The following TRAPPC3L variants were observed in gnomAD, a reference collection of about 807,000 sequenced individuals.
TRAPPC3L encodes trafficking protein particle complex subunit 3-like protein.
Under a neutral mutation model 23.7 loss-of-function variants are expected in TRAPPC3L, and 23 were observed. The observed-to-expected ratio is 0.97, with a 90% CI of 0.70 to 1.37. The LOEUF (loss-of-function observed/expected upper bound fraction) is 1.37. Among genes scored for constraint, TRAPPC3L ranks in the 40% most tolerant of loss-of-function variants. TRAPPC3L has a pLI of 0.00. For synonymous variants in TRAPPC3L, 81 were observed against 77.9 expected, an observed-to-expected ratio of 1.04 and a Z score of -0.21; for missense variants, 212 against 216.8, an observed-to-expected ratio of 0.98 and a Z score of 0.14.
At position 116,500,630 on chromosome 6, in the gene TRAPPC3L, C is replaced by T. The variant is rs964796451; in HGVS notation, c.277G>A (p.Val93Met). Residue 93 changes from valine to methionine, a missense_variant, in exon 4 of 5, where the codon GTG (valine) becomes ATG (methionine). Transcript: ENST00000368602. Reference protein sequence around the residue: ...FKMYLGITPSVTCNNSSKNEF... With the variant: ...FKMYLGITPSMTCNNSSKNEF... ...TTTTTGCTTGAATTGTTACAGGTCA[C>T]ACTTGGTGTAATTCCCAGGTACATC... 6.4e-7 allele frequency: 1 copy of T among 1,551,568 alleles called. No individual in the cohort carries two copies. Among genetic ancestry groups the T allele is most frequent in the Non-Finnish European group, 8.7e-7 (1 of 1,146,958 alleles).
chr6:116,512,326 T>C lies in TRAPPC3L; in HGVS notation c.241-11660A>G, dbSNP rs1002511331. On this transcript the variant is annotated intron_variant, in intron 3 of 4. Coordinates refer to ENST00000368602, the MANE Select transcript of TRAPPC3L (RefSeq NM_001139444.3). ...TTCAGCCAGGGCTGTCTGTGTCCTG[T>C]CAGAATATTTTGAAACTAAATGGAA... The C allele has an allele frequency of 1.6e-5, 22 of 1,376,790 alleles. No individual in the cohort carries two copies. The African/African-American group carries it at 2.3e-4, about 15-fold the overall frequency. The allele number at this position is 1,376,790 out of a possible 1,614,324, so 85.3% of individuals were successfully genotyped here. A position where few individuals can be genotyped will look rare whatever the true frequency, so the allele number is the denominator to read the frequency against.
chr6:116,521,566 T>A (rs1772344474), intron 3 of TRAPPC3L: 2 of 151,916 alleles, frequency 1.3e-5, no homozygotes, highest in South Asian at 4.2e-4. Context: ...TCCCTTTTTG[T>A]CCTACCCAGG....
chr6:116,543,328 C>A lies in TRAPPC3L; in HGVS notation c.115G>T (p.Asp39Tyr), dbSNP rs1395945046. The A allele has an allele frequency of 6.5e-7, 1 of 1,549,510 alleles. No homozygotes were observed. The highest frequency in any genetic ancestry group is 2.4e-5 in the East Asian group (1 of 40,818). Residue 39 changes from aspartate (D) to tyrosine (Y), a missense_variant, in exon 2 of 5, where the codon GAT becomes TAT. Asp to Tyr is a radical substitution (Grantham distance 160). Transcript: ENST00000368602. ...QLCKDYEKDE[D>Y]VNQYLDKMGY... ...ATTTTATCTAAATATTGGTTCACAT[C>A]TTCATCCTTCTCATAATCCTTACAC...
At chr6:116,500,249 G>T (rs537968944) in intron 4 of TRAPPC3L, among the ~76,000 whole-genome samples, 26 of 152,224 alleles carry the variant, frequency 1.7e-4, no homozygotes, top group Non-Finnish European at 3.4e-4. Flanking sequence ...AGCCATGAAA[G>T]ACTCTGAATG....
chr6:116,519,104 A>C (rs1191178877), intron 3 of TRAPPC3L: 2 of 152,286 alleles, frequency 1.3e-5, no homozygotes, highest in Admixed American at 6.5e-5. Flanking sequence ...CAGCAGGATG[A>C]ACTGGCTTTG....
chr6:116,507,353 T>C (rs1772023621), intron 3 of TRAPPC3L, among the ~76,000 whole-genome samples: 1 of 152,064 alleles, frequency 6.6e-6, no homozygotes, highest in South Asian at 2.1e-4. Flanking sequence ...AGGGAAAAAT[T>C]TTGGAGTAGC....
intron 1 of TRAPPC3L, among the ~76,000 whole-genome samples, chr6:116,544,150 G>GT (rs1418435647): frequency 1.6e-5 from 1 of 62,410 alleles, no homozygotes. Flanking sequence ...CAAAGGTGAA[G>GT]AAGAGAGAGA....
chr6:116,522,697 G>A (rs1772367300), intron 3 of TRAPPC3L: 1 of 152,220 alleles, frequency 6.6e-6, no homozygotes, highest in Admixed American at 6.5e-5. Context: ...TAATATCTAC[G>A]AAAAAATAGC....
chr6:116,515,581 A>G, intron 3 of TRAPPC3L: 3 of 1,592,322 alleles, frequency 1.9e-6, no homozygotes, highest in Non-Finnish European at 2.6e-6. Flanking sequence ...TGTGTACTCA[A>G]TATTTCTTTC....
intron 3 of TRAPPC3L, chr6:116,515,809 G>A (rs1311957670): frequency 1.9e-6 from 3 of 1,613,976 alleles, no homozygotes; most frequent in Non-Finnish European, 1.7e-6. Context: ...AAAACAAGAG[G>A]CCAGATCCTT....
At position 116,497,946 on chromosome 6, in the gene TRAPPC3L, T is replaced by G. The variant is rs142853481; in HGVS notation, c.427-873A>C. ...AATTCCTTAGCTAGCCAGCCTCAAT[T>G]TGTTAAACCATTAGTGTACCAAATT... On this transcript the variant is annotated intron_variant, in intron 4 of 4. Coordinates refer to ENST00000368602, the MANE Select transcript of TRAPPC3L (RefSeq NM_001139444.3). Among the ~76,000 whole-genome samples, 502 of 152,310 alleles carry G rather than the reference T, an allele frequency of 3.3e-3. 12 individuals carry two copies. The highest frequency in any genetic ancestry group is 0.023 in the Admixed American group (350 of 15,284).
In TRAPPC3L at chr6:116,545,583, G is replaced by A. The variant is rs941895159; in HGVS notation, c.-69C>T. 8.6e-6 allele frequency: 12 copies of A among 1,390,952 alleles called. No individual in the cohort carries two copies. Among genetic ancestry groups the A allele is most frequent in the Non-Finnish European group, 4.9e-6 (5 of 1,017,446 alleles). 86.2% of individuals were successfully genotyped at this position (1,390,952 alleles called of 1,614,324 possible). On this transcript the variant is annotated 5_prime_UTR_variant, in exon 1 of 5. Coordinates refer to ENST00000368602, the MANE Select transcript of TRAPPC3L (RefSeq NM_001139444.3). The stretch of plus-strand genomic sequence containing the variant: ...TTGCCTGTTTCTTAGAGGTGTATCA[G>A]TCCATGTCTTTTTGTTTTGTTTTTG...
intron 3 of TRAPPC3L, among the ~76,000 whole-genome samples, chr6:116,537,469 C>A (rs1773171507): frequency 6.6e-6 from 1 of 152,086 alleles, no homozygotes; most frequent in Non-Finnish European, 1.5e-5. Flanking sequence ...AAATGGGGAA[C>A]ATTCTGGGTT....
Position 116,500,389 on chromosome 6 carries a change from C to A in TRAPPC3L, c.426+92G>T. 4.2e-6 allele frequency: 5 copies of A among 1,181,028 alleles called. No individual in the cohort carries two copies. In the South Asian group the frequency reaches 6.3e-5, roughly 15 times the overall value. 73.2% of individuals were successfully genotyped at this position (1,181,028 alleles called of 1,614,324 possible). ...ACACACCATTAGATAACCAATATACCCAGCAAAATGAATTATGTATATTGG... is the reference window on the plus strand; with the variant it reads ...ACACACCATTAGATAACCAATATACACAGCAAAATGAATTATGTATATTGG... On this transcript the variant is annotated intron_variant, in intron 4 of 4. Transcript: ENST00000368602.
chr6:116,537,979 G>A (rs1773200537), intron 3 of TRAPPC3L, among the ~76,000 whole-genome samples: 1 of 152,160 alleles, frequency 6.6e-6, no homozygotes, highest in Non-Finnish European at 1.5e-5. Context: ...GAGGACCACA[G>A]GTAACAAGAA....
chr6:116,504,143 AAAG>A (rs1404281749), intron 3 of TRAPPC3L, among the ~76,000 whole-genome samples: 1 of 152,206 alleles, frequency 6.6e-6, no homozygotes, highest in East Asian at 1.9e-4. Context: ...CACGACTAAT[AAAG>A]AAGAAAAGAC....
Position 116,543,351 on chromosome 6 carries a change from C to T in TRAPPC3L, c.92G>A (p.Cys31Tyr). 4 of 1,550,020 alleles carry T rather than the reference C, an allele frequency of 2.6e-6. No homozygotes were observed. The highest frequency in any genetic ancestry group is 3.5e-6 in the Non-Finnish European group (4 of 1,145,754). Residue 31 changes from cysteine to tyrosine, a missense_variant, in exon 2 of 5, where the codon TGT (cysteine) becomes TAT (tyrosine). Physicochemically the swap from Cys to Tyr is radical, Grantham distance 194 (BLOSUM62 -2). Transcript: ENST00000368602. ...ATCTTCATCCTTCTCATAATCCTTACACAGCTGGGCAACCAGAGCTCCATA... is the reference window on the plus strand; with the variant it reads ...ATCTTCATCCTTCTCATAATCCTTATACAGCTGGGCAACCAGAGCTCCATA... ...LTYGALVAQL[C>Y]KDYEKDEDVN...
At chr6:116,506,380 A>T (rs948756352) in intron 3 of TRAPPC3L, among the ~76,000 whole-genome samples, 2 of 152,222 alleles carry the variant, frequency 1.3e-5, no homozygotes, top group East Asian at 3.8e-4. Flanking sequence ...GCTGGAGAGG[A>T]TGTGGAGAAG....
chr6:116,530,598 A>G (rs1772638495), intron 3 of TRAPPC3L, among the ~76,000 whole-genome samples: 1 of 152,176 alleles, frequency 6.6e-6, no homozygotes, highest in Admixed American at 6.5e-5. Flanking sequence ...ACTGTTCTGA[A>G]TAATGTCTGC....
Sources: allele counts gnomAD v4.1 joint callset (sites outside exome capture counted in the v4.1 genomes callset), GRCh38; gene constraint gnomAD v4.1.1; transcripts MANE v1.5; gene names NCBI Gene and HGNC (gene_info 2026-07-23, HGNC 2026-07-21).